The following FCRL5 variants were observed in gnomAD, a reference collection of about 807,000 sequenced individuals.
FCRL5 encodes the protein Fc receptor-like protein 5.
FCRL5 carries 79 observed loss-of-function variants against 92.1 expected under a neutral mutation model. The ratio of observed to expected loss-of-function variants is 0.86; its 90% CI spans 0.72 to 1.03. The LOEUF is 1.03. Among genes scored for constraint, FCRL5 ranks in the 50% least tolerant of loss-of-function variants. The pLI, the probability that FCRL5 is intolerant of heterozygous loss-of-function variation, is 0.00. For missense variants in FCRL5, 1,160 were observed against 1,181.1 expected, an observed-to-expected ratio of 0.98 and a Z score of 0.26; for synonymous variants, 466 against 469.3, an observed-to-expected ratio of 0.99 and a Z score of 0.09.
At chr1:157,548,525 A>G (rs960993331) in intron 2 of FCRL5, among the ~76,000 whole-genome samples, 4 of 152,244 alleles carry the variant, frequency 2.6e-5, no homozygotes, top group African/African-American at 9.6e-5. Context: ...AAAGTTTTGC[A>G]ATCTACTCAT....
At chr1:157,522,743 C>T (rs1218154005) in intron 10 of FCRL5, 1 of 152,190 alleles carries the variant, frequency 6.6e-6, no homozygotes, top group African/African-American at 2.4e-5. Context: ...GCTGTGATAA[C>T]AGCAGCAGAA....
At chr1:157,552,193 T>C in intron 1 of FCRL5, 139 bp downstream of exon 1, 1 of 788,486 alleles carries the variant, frequency 1.3e-6, no homozygotes, top group East Asian at 2.6e-5. Context: ...AGCTACAGAG[T>C]AAAGTTCAAA....
rs947245001 is a variant in FCRL5 at position 157,524,298 on chromosome 1, C to T, written c.2220G>A (p.Met740Ile). The T allele has an allele frequency of 8.1e-6, 13 of 1,614,270 alleles. No individual in the cohort carries two copies. The highest frequency in any genetic ancestry group is 9.3e-6 in the Non-Finnish European group (11 of 1,180,046). ...DNGLEAQRSE[M>I]VTLKVAVPVS... ...ACTCACCTGCAACTTTCAGTGTCAC[C>T]ATCTCACTGCGCTGGGCCTCCAGAC... Residue 740 changes from methionine (M) to isoleucine (I), a missense_variant, in exon 10 of 17, where the codon ATG becomes ATA. By Grantham distance (10) the Met-to-Ile change is conservative (BLOSUM62 1). Coordinates refer to ENST00000361835, the MANE Select transcript of FCRL5 (RefSeq NM_031281.3).
chr1:157,519,871 C>A, intron 12 of FCRL5, 101 bp from the exon 13 acceptor site: 1 of 1,233,290 alleles, frequency 8.1e-7, no homozygotes, highest in South Asian at 1.2e-5. Flanking sequence ...GAGTTGCTGT[C>A]ACTGAAGGTT....
Position 157,515,524 on chromosome 1 carries a change from T to A in FCRL5, c.*151A>T. 6.5e-7 allele frequency: 1 copy of A among 1,550,056 alleles called. No individual in the cohort carries two copies. Among genetic ancestry groups the A allele is most frequent in the Non-Finnish European group, 8.8e-7 (1 of 1,133,052 alleles). On this transcript the variant is annotated 3_prime_UTR_variant, in exon 17 of 17. Coordinates refer to ENST00000361835, the MANE Select transcript of FCRL5 (RefSeq NM_031281.3). ...GGTGACAGTCCAGCAGGGCCCTGCA[T>A]TCTGGTCAGACTGAGAATGAGGACA...
intron 8 of FCRL5, among the ~76,000 whole-genome samples, chr1:157,530,439 T>C (rs1650645066): frequency 6.6e-6 from 1 of 152,252 alleles, no homozygotes; most frequent in Non-Finnish European, 1.5e-5. Flanking sequence ...CGATCTTGGC[T>C]CAGCACAACC....
chr1:157,545,926 G>A (rs1651514297), intron 3 of FCRL5, among the ~76,000 whole-genome samples: 2 of 152,186 alleles, frequency 1.3e-5, no homozygotes, highest in Non-Finnish European at 2.9e-5. Context: ...GGATTGTTAA[G>A]TCAAAGAGTA....
At position 157,545,523 on chromosome 1, in the gene FCRL5, T is replaced by G. The variant is rs1046105524; in HGVS notation, c.308-441A>C. Among the ~76,000 whole-genome samples the G allele has an allele frequency of 1.3e-4, 7 of 55,416 alleles. No homozygotes were observed. In the South Asian group the frequency reaches 1.7e-3, roughly 13 times the overall value. The allele number at this position is 55,416 out of a possible 152,430, so 36.4% of individuals were successfully genotyped here. A position where few individuals can be genotyped will look rare whatever the true frequency, so the allele number is the denominator to read the frequency against. ...GCAGTAATGTAATTTCTTTAATGAG[T>G]TTTTTTTTTTTTTTTTTTTTTTTGA... On this transcript the variant is annotated intron_variant, in intron 3 of 16. Transcript: ENST00000361835.
rs1169579959 is a variant in FCRL5, at chr1:157,521,256, G to A, written c.2276C>T (p.Pro759Leu). 11 of 1,613,652 alleles carry A rather than the reference G, an allele frequency of 6.8e-6. No individual in the cohort carries two copies. Among genetic ancestry groups the A allele is most frequent in the Non-Finnish European group, 9.3e-6 (11 of 1,179,904 alleles). The change falls in exon 11 of 17, where the codon CCC (proline) becomes CTC (leucine). Residue 759 changes from proline to leucine, a missense_variant. Pro to Leu is a moderately conservative substitution (Grantham distance 98). Transcript: ENST00000361835. ...GTCCCCCACCGCAGCATGGGTCCCG[G>A]GAGCCCTGAGGGTGAGGACCGGGCG... ...VSRPVLTLRA[P>L]GTHAAVGDLL...
chr1:157,550,656 C>T (rs991147945), intron 1 of FCRL5, among the ~76,000 whole-genome samples: 25 of 152,298 alleles, frequency 1.6e-4, no homozygotes, highest in African/African-American at 6.0e-4. Context: ...ATATATCCTC[C>T]AGGACCTATA....
chr1:157,534,405 A>T, intron 8 of FCRL5: 1 of 720,914 alleles, frequency 1.4e-6, no homozygotes, highest in Non-Finnish European at 2.6e-6. Flanking sequence ...ATTTGGTAAA[A>T]GCTGGGGAAT....
intron 14 of FCRL5, 35 bp downstream of exon 14, chr1:157,518,665 C>T (rs756935360): frequency 1.9e-6 from 3 of 1,589,400 alleles, no homozygotes; most frequent in Non-Finnish European, 2.6e-6. Flanking sequence ...ACCAGCCCTC[C>T]AGCTTCTGCC....
At chr1:157,552,263 C>A in intron 1 of FCRL5, 69 bp downstream of exon 1, 4 of 1,496,878 alleles carry the variant, frequency 2.7e-6, no homozygotes. Context: ...CAAGAAAGGA[C>A]CAGGCCTGCG....
At chr1:157,518,920 T>G in intron 13 of FCRL5, 138 bp from the exon 14 acceptor site, 1 of 596,234 alleles carries the variant, frequency 1.7e-6, no homozygotes, top group Admixed American at 3.3e-5. Context: ...AAACTGACCA[T>G]GGGCATTCTA....
chr1:157,515,421 G>C lies in FCRL5; in HGVS notation c.*254C>G. ...CTGAAGCCCACTAAGGAATCCAGGAGATGTGCTGGGCCCTGGAGTGGGAGC... is the reference window on the plus strand; with the variant it reads ...CTGAAGCCCACTAAGGAATCCAGGACATGTGCTGGGCCCTGGAGTGGGAGC... On this transcript the variant is annotated 3_prime_UTR_variant, in exon 17 of 17. Transcript: ENST00000361835. 1.7e-6 allele frequency: 1 copy of C among 589,582 alleles called. No individual in the cohort carries two copies. The highest frequency in any genetic ancestry group is 4.8e-4 in the Middle Eastern group (1 of 2,102). The allele number at this position is 589,582 out of a possible 1,614,324, so 36.5% of individuals were successfully genotyped here. A position where few individuals can be genotyped will look rare whatever the true frequency, so the allele number is the denominator to read the frequency against.
chr1:157,538,041 G>A (rs1651055948), intron 7 of FCRL5, among the ~76,000 whole-genome samples: 1 of 152,190 alleles, frequency 6.6e-6, no homozygotes, highest in South Asian at 2.1e-4. Flanking sequence ...ACATCTAGGT[G>A]TATATATAGA....
intron 10 of FCRL5, chr1:157,521,918 ATTT>A (rs1650217084): frequency 6.6e-6 from 1 of 152,250 alleles, no homozygotes; most frequent in Non-Finnish European, 1.5e-5. Flanking sequence ...ATGCCAATAT[ATTT>A]CTACAAGAAT....
intron 14 of FCRL5, 99 bp downstream of exon 14, chr1:157,518,601 C>G: frequency 1.4e-6 from 2 of 1,437,776 alleles, no homozygotes; most frequent in South Asian, 2.4e-5. Context: ...AGGACTAGAG[C>G]CCTCTAGGCC....
intron 1 of FCRL5, among the ~76,000 whole-genome samples, chr1:157,550,904 A>G (rs1355596815): frequency 6.6e-6 from 1 of 152,212 alleles, no homozygotes; most frequent in Non-Finnish European, 1.5e-5. Flanking sequence ...CATACTCCAG[A>G]GCAAGGCAAT....
Sources: allele counts gnomAD v4.1 joint callset (sites outside exome capture counted in the v4.1 genomes callset), GRCh38; gene constraint gnomAD v4.1.1; transcripts MANE v1.5; gene names NCBI Gene and HGNC (gene_info 2026-07-23, HGNC 2026-07-21).